Variants in UNC5D observed in about 807,000 individuals in gnomAD.
The protein encoded by UNC5D is unc-5 netrin receptor D.
UNC5D carries 39 observed loss-of-function variants against 105.4 expected under a neutral mutation model. The ratio of observed to expected loss-of-function variants is 0.37; its 90% CI spans 0.29 to 0.48. The LOEUF is 0.48. UNC5D is among the 20% of genes least tolerant of loss of function. UNC5D has a pLI of 0.98. For missense variants in UNC5D, 991 were observed against 1,202.4 expected (o/e 0.82, Z 2.60); for synonymous variants, 452 against 450.4 (o/e 1.00, Z -0.04).
chr8:35,765,891 A>G (rs1801743078), intron 14 of UNC5D, among the ~76,000 whole-genome samples: 1 of 152,166 alleles, frequency 6.6e-6, no homozygotes, highest in African/African-American at 2.4e-5. Flanking sequence ...TAATAAGGTG[A>G]GAAATAGAGA....
intron 1 of UNC5D, among the ~76,000 whole-genome samples, chr8:35,391,595 G>A (rs1003003044): frequency 3.9e-5 from 6 of 152,150 alleles, no homozygotes; most frequent in Non-Finnish European, 5.9e-5. Flanking sequence ...TGACCAACAC[G>A]CTAAATAGGA....
chr8:35,278,840 C>T (rs1035175549), intron 1 of UNC5D, among the ~76,000 whole-genome samples: 2 of 152,096 alleles, frequency 1.3e-5, no homozygotes, highest in Admixed American at 1.3e-4. Flanking sequence ...ATCCTATATT[C>T]ATCTTACAAA....
intron 1 of UNC5D, among the ~76,000 whole-genome samples, chr8:35,346,346 A>G (rs1473766993): frequency 6.6e-6 from 1 of 152,034 alleles, no homozygotes; most frequent in Non-Finnish European, 1.5e-5. Flanking sequence ...TTCCTTGAAT[A>G]TGTTTGAAGA....
At chr8:35,525,728 C>A (rs1029465018) in intron 1 of UNC5D, 3 of 1,585,428 alleles carry the variant, frequency 1.9e-6, no homozygotes, top group Non-Finnish European at 1.7e-6. Flanking sequence ...ACACCTGGCT[C>A]CCAACGCTGA....
chr8:35,592,688 A>C (rs1819243323), intron 3 of UNC5D, among the ~76,000 whole-genome samples: 1 of 152,184 alleles, frequency 6.6e-6, no homozygotes, highest in African/African-American at 2.4e-5. Flanking sequence ...AGCCAGAACT[A>C]GGACTCCATG....
At chr8:35,596,616 G>A (rs949801066) in intron 4 of UNC5D, among the ~76,000 whole-genome samples, 1 of 152,130 alleles carries the variant, frequency 6.6e-6, no homozygotes, top group African/African-American at 2.4e-5. Flanking sequence ...AGGGAGACAT[G>A]AGACATCAAT....
chr8:35,555,395 C>CCTTA (rs1260014794), intron 2 of UNC5D, among the ~76,000 whole-genome samples: 2 of 152,180 alleles, frequency 1.3e-5, no homozygotes, highest in Non-Finnish European at 2.9e-5. Context: ...TCTCATCCAT[C>CCTTA]CTTAGCAGTG....
At chr8:35,672,917 A>G (rs1275752004) in intron 4 of UNC5D, among the ~76,000 whole-genome samples, 1 of 152,210 alleles carries the variant, frequency 6.6e-6, no homozygotes, top group African/African-American at 2.4e-5. Context: ...ATCTGACAAG[A>G]GACACACAAT....
intron 3 of UNC5D, among the ~76,000 whole-genome samples, chr8:35,578,753 A>G (rs1818277358): frequency 6.6e-6 from 1 of 152,186 alleles, no homozygotes; most frequent in Admixed American, 6.5e-5. Context: ...CTCGTATGTA[A>G]TTGATATAAG....
At chr8:35,715,102 G>T (rs530476517) in intron 8 of UNC5D, among the ~76,000 whole-genome samples, 3 of 152,346 alleles carry the variant, frequency 2.0e-5, no homozygotes, top group African/African-American at 7.2e-5. Context: ...GGTGTGCCAA[G>T]ATTGTGCTAT....
At chr8:35,761,823 CTCTGGGCA>C (rs1801546977) in intron 14 of UNC5D, among the ~76,000 whole-genome samples, 3 of 152,070 alleles carry the variant, frequency 2.0e-5, no homozygotes, top group African/African-American at 7.2e-5. Context: ...GCTGTGTTTG[CTCTGGGCA>C]TTAGATGTAA....
intron 11 of UNC5D, among the ~76,000 whole-genome samples, chr8:35,742,204 T>C (rs900704490): frequency 6.6e-6 from 1 of 151,318 alleles, no homozygotes; most frequent in South Asian, 2.1e-4. Context: ...CTGGGACTGA[T>C]CTGAAATCTC....
intron 1 of UNC5D, among the ~76,000 whole-genome samples, chr8:35,248,899 T>C (rs1351445739): frequency 4.3e-5 from 4 of 94,096 alleles, no homozygotes; most frequent in South Asian, 3.1e-4. Context: ...TATAAATATA[T>C]AATATATTAT....
At chr8:35,437,788 C>G (rs1488219901) in intron 1 of UNC5D, among the ~76,000 whole-genome samples, 2 of 151,564 alleles carry the variant, frequency 1.3e-5, no homozygotes, top group African/African-American at 2.4e-5. Context: ...TTGTGAGTAC[C>G]TTTTCTGCGA....
At chr8:35,292,203 T>C (rs776617464) in intron 1 of UNC5D, among the ~76,000 whole-genome samples, 7 of 152,226 alleles carry the variant, frequency 4.6e-5, no homozygotes, top group Non-Finnish European at 8.8e-5. Flanking sequence ...TTGTCTCATT[T>C]CTTCCCTTCA....
At chr8:35,361,461 C>CA (rs1289156469) in intron 1 of UNC5D, among the ~76,000 whole-genome samples, 1 of 151,966 alleles carries the variant, frequency 6.6e-6, no homozygotes, top group Non-Finnish European at 1.5e-5. Context: ...ACAAAAGTCG[C>CA]AAAAAAGGTC....
chr8:35,295,468 G>A (rs556133037), intron 1 of UNC5D, among the ~76,000 whole-genome samples: 1 of 152,006 alleles, frequency 6.6e-6, no homozygotes, highest in Non-Finnish European at 1.5e-5. Flanking sequence ...CACAGCTCAG[G>A]CCTGTGTTGT....
At chr8:35,746,365 G>T (rs772630289) in intron 11 of UNC5D, among the ~76,000 whole-genome samples, 1 of 152,036 alleles carries the variant, frequency 6.6e-6, no homozygotes, top group Non-Finnish European at 1.5e-5. Context: ...TATTAATTGT[G>T]GGGAGAAAAA....
At chr8:35,471,144 G>A (rs953788379) in intron 1 of UNC5D, among the ~76,000 whole-genome samples, 3 of 152,064 alleles carry the variant, frequency 2.0e-5, no homozygotes, top group African/African-American at 7.2e-5. Context: ...GCTTGAGAAG[G>A]AATATTCTGT....
Sources: allele counts gnomAD v4.1 joint callset (sites outside exome capture counted in the v4.1 genomes callset), GRCh38; gene constraint gnomAD v4.1.1; transcripts MANE v1.5; gene names NCBI Gene and HGNC (gene_info 2026-07-23, HGNC 2026-07-21).